The following PITPNC1 variants were observed in gnomAD, a reference collection of about 807,000 sequenced individuals.
PITPNC1 encodes the protein cytoplasmic phosphatidylinositol transfer protein 1.
Under a neutral mutation model 44.7 loss-of-function variants are expected in PITPNC1, and 18 were observed. The observed-to-expected ratio is 0.40, with a 90% CI of 0.28 to 0.60. The LOEUF is 0.60. Ranked by LOEUF, PITPNC1 falls within the 20% of genes least tolerant of loss-of-function variation. The pLI, the probability that PITPNC1 is intolerant of heterozygous loss-of-function variation, is 0.39. For synonymous variants in PITPNC1, 141 were observed against 149.6 expected (o/e 0.94, Z 0.42); for missense variants, 290 against 418.4 (o/e 0.69, Z 2.68).
chr17:67,557,352 G>A (rs2040852302), intron 4 of PITPNC1, among the ~76,000 whole-genome samples: 1 of 152,100 alleles, frequency 6.6e-6, no homozygotes, highest in African/African-American at 2.4e-5. Flanking sequence ...TAGGAATTTG[G>A]GGGAGACACA....
intron 5 of PITPNC1, among the ~76,000 whole-genome samples, chr17:67,586,425 C>CAAAAAA (rs33998127): frequency 9.0e-6 from 1 of 110,580 alleles, no homozygotes; most frequent in African/African-American, 3.3e-5. Context: ...GTTTCTACTT[C>CAAAAAA]AAAAAAAAAA....
intron 5 of PITPNC1, among the ~76,000 whole-genome samples, chr17:67,610,689 G>A (rs762894527): frequency 3.9e-5 from 6 of 152,074 alleles, no homozygotes; most frequent in South Asian, 2.1e-4. Context: ...TTGGGAGGCC[G>A]AGGTGGGCAG....
At chr17:67,639,629 C>G (rs778637183) in intron 6 of PITPNC1, among the ~76,000 whole-genome samples, 1 of 152,168 alleles carries the variant, frequency 6.6e-6, no homozygotes, top group African/African-American at 2.4e-5. Context: ...TGAACTTTCC[C>G]CTTAAGTTGG....
chr17:67,411,783 A>G (rs979821042), intron 1 of PITPNC1, among the ~76,000 whole-genome samples: 2 of 152,096 alleles, frequency 1.3e-5, no homozygotes, highest in Non-Finnish European at 2.9e-5. Flanking sequence ...GGGGTACTTA[A>G]TAAGGGCTAA....
intron 6 of PITPNC1, among the ~76,000 whole-genome samples, chr17:67,656,486 C>T (rs2042269537): frequency 6.6e-6 from 1 of 152,204 alleles, no homozygotes; most frequent in Non-Finnish European, 1.5e-5. Context: ...TTAATTACAT[C>T]TGCAAGGACC....
intron 1 of PITPNC1, among the ~76,000 whole-genome samples, chr17:67,494,216 T>TCTTTCTTTCTTTCTTTCTTTATTTCTTTC (rs371994851): frequency 6.7e-6 from 1 of 148,154 alleles, no homozygotes; most frequent in Non-Finnish European, 1.5e-5. Context: ...TTTCTTTCTT[T>TCTTTCTTTCTTTCTTTCTTTATTTCTTTC]TTGAGACGTA....
rs551992899 is a variant in PITPNC1 at position 67,564,509 on chromosome 17, T to C, written c.294+10892T>C. ...GCAGGTTGGATGGTGCCCACCCACA[T>C]TGAGGATGGATCTTCCTCACCTAGT... On this transcript the variant is annotated intron_variant, in intron 4 of 8. Coordinates refer to ENST00000581322, the MANE Select transcript of PITPNC1 (RefSeq NM_012417.4). Among the ~76,000 whole-genome samples the C allele has an allele frequency of 1.6e-4, 24 of 152,242 alleles. 1 individual carries two copies. The South Asian group carries it at 4.6e-3, about 29-fold the overall frequency.
chr17:67,577,290 C>CAAAAAT (rs2041162540), intron 4 of PITPNC1, among the ~76,000 whole-genome samples: 1 of 151,556 alleles, frequency 6.6e-6, no homozygotes, highest in Non-Finnish European at 1.5e-5. Flanking sequence ...GACTCTGTCT[C>CAAAAAT]AAAAATAAAA....
intron 2 of PITPNC1, among the ~76,000 whole-genome samples, chr17:67,550,702 A>G (rs747676048): frequency 6.6e-6 from 1 of 152,070 alleles, no homozygotes; most frequent in African/African-American, 2.4e-5. Context: ...TAGGCCCCAG[A>G]GTAGAAAAGT....
At chr17:67,428,859 G>A in intron 1 of PITPNC1, among the ~76,000 whole-genome samples, 1 of 18,042 alleles carries the variant, frequency 5.5e-5, no homozygotes. Context: ...TTTTTTTTTT[G>A]AGACGGAGTC....
chr17:67,689,154 A>G (rs2144471739), intron 8 of PITPNC1, among the ~76,000 whole-genome samples: 1 of 152,364 alleles, frequency 6.6e-6, no homozygotes, highest in East Asian at 1.9e-4. Flanking sequence ...GTGAGCAGAG[A>G]TTGTGCCACT....
chr17:67,446,520 G>C (rs2039097461), intron 1 of PITPNC1, among the ~76,000 whole-genome samples: 1 of 145,086 alleles, frequency 6.9e-6, no homozygotes, highest in Admixed American at 6.9e-5. Context: ...CCTCATTAAG[G>C]TTTTTTTTTT....
chr17:67,633,411 G>T (rs144284605), intron 6 of PITPNC1, among the ~76,000 whole-genome samples: 371 of 152,242 alleles, frequency 2.4e-3, no homozygotes, highest in African/African-American at 7.9e-3. Context: ...GGTTCATTTC[G>T]GTATAAAAGT....
At chr17:67,626,838 T>A (rs948901134) in intron 5 of PITPNC1, among the ~76,000 whole-genome samples, 3 of 149,196 alleles carry the variant, frequency 2.0e-5, no homozygotes, top group Non-Finnish European at 4.5e-5. Context: ...AAAAAAAACC[T>A]AAGATCAATG....
chr17:67,637,690 A>T (rs1017763328), intron 6 of PITPNC1: 30 of 152,202 alleles, frequency 2.0e-4, no homozygotes, highest in African/African-American at 6.5e-4. Flanking sequence ...GGGGACTCAG[A>T]AGCATGCTTT....
chr17:67,554,039 A>G (rs1287471924), intron 4 of PITPNC1, among the ~76,000 whole-genome samples: 4 of 152,174 alleles, frequency 2.6e-5, no homozygotes, highest in African/African-American at 9.7e-5. Context: ...GAAGAGGCAC[A>G]TGTGCAAACT....
intron 1 of PITPNC1, among the ~76,000 whole-genome samples, chr17:67,499,328 C>T (rs1184027530): frequency 6.6e-6 from 1 of 152,170 alleles, no homozygotes; most frequent in East Asian, 1.9e-4. Context: ...GATCCTGCCA[C>T]CTTAGCCTCC....
chr17:67,474,258 T>C (rs1184031244), intron 1 of PITPNC1, among the ~76,000 whole-genome samples: 1 of 152,186 alleles, frequency 6.6e-6, no homozygotes, highest in Non-Finnish European at 1.5e-5. Flanking sequence ...TCGATTTCCA[T>C]GTCAGGAAGG....
At position 67,463,067 on chromosome 17, in the gene PITPNC1, A is replaced by G. The variant is rs143628705; in HGVS notation, c.49-69735A>G. 4.3e-3 allele frequency among the ~76,000 whole-genome samples: 650 copies of G among 152,382 alleles called. 7 individuals carry two copies. Among genetic ancestry groups the G allele is most frequent in the African/African-American group, 0.015 (632 of 41,590 alleles). ...AGCTCAACTAAAGACTTTGGTTTGC[A>G]TATTATAGACAAATACATAAATTGT... On this transcript the variant is annotated intron_variant, in intron 1 of 8. Coordinates refer to ENST00000581322, the MANE Select transcript of PITPNC1 (RefSeq NM_012417.4).
Sources: allele counts gnomAD v4.1 joint callset (sites outside exome capture counted in the v4.1 genomes callset), GRCh38; gene constraint gnomAD v4.1.1; transcripts MANE v1.5; gene names NCBI Gene and HGNC (gene_info 2026-07-23, HGNC 2026-07-21).